The following RAVER1 variants were observed in gnomAD, a reference collection of about 807,000 sequenced individuals.
RAVER1 encodes the protein ribonucleoprotein, PTB binding 1.
A neutral mutation model predicts 68.4 loss-of-function variants in RAVER1; 36 were observed. The ratio of observed to expected loss-of-function variants is 0.53; its 90% confidence interval spans 0.40 to 0.70. RAVER1 has a LOEUF of 0.70. RAVER1 is among the 30% of genes least tolerant of loss of function. The pLI is 0.00. For synonymous variants in RAVER1, 469 were observed against 472.7 expected (o/e 0.99, Z 0.10); for missense variants, 933 against 1,019.8 (o/e 0.91, Z 1.16).
Position 10,323,503 on chromosome 19 carries a change from T to C in RAVER1, c.820A>G (p.Met274Val). The change falls in exon 4 of 13, where the codon ATG becomes GTG. Residue 274 changes from methionine to valine, a missense_variant. Coordinates refer to ENST00000617231, the MANE Select transcript of RAVER1 (RefSeq NM_133452.3). The surrounding 1 kb of genome is among the most constrained non-coding windows in gnomAD (Gnocchi z 6.2). ...GCCTGCTGCTGTGCCTCCTCCGCCA[T>C]CTCAGCCGTCTCATACTCCAGCACC... is the stretch of plus-strand genomic sequence containing the variant. ...FAVLEYETAE[M>V]AEEAQQQADG... is the part of the protein sequence containing the mutation. The C allele has an allele frequency of 1.9e-6, 3 of 1,609,058 alleles. No individual in the cohort carries two copies. The highest frequency in any genetic ancestry group is 1.7e-6 in the Non-Finnish European group (2 of 1,179,674).
intron 9 of RAVER1, 113 bp downstream of exon 9, chr19:10,320,542 C>A: frequency 1.2e-6 from 1 of 851,868 alleles, no homozygotes; most frequent in Non-Finnish European, 1.7e-6. Flanking sequence ...CCATATCTGG[C>A]ACGTTCCCTG....
chr19:10,317,722 G>A lies in RAVER1; in HGVS notation c.2041C>T (p.Pro681Ser), dbSNP rs753586539. The A allele has an allele frequency of 1.3e-6, 2 of 1,596,316 alleles. No individual in the cohort carries two copies. Among genetic ancestry groups the A allele is most frequent in the East Asian group, 2.3e-5 (1 of 44,304 alleles). ...AGGTGGCTGTGACCATTAGGCCCGGGGCTGAGGCCCAGGAGCCCTTCTCCG... is the reference window on the plus strand; with the variant it reads ...AGGTGGCTGTGACCATTAGGCCCGGAGCTGAGGCCCAGGAGCCCTTCTCCG... Reference protein sequence around the residue: ...GSGEGLLGLSPGPNGHSHLLK... With the variant: ...GSGEGLLGLSSGPNGHSHLLK... The change falls in exon 12 of 13, where the codon CCC becomes TCC. Residue 681 changes from proline to serine, a missense_variant. Pro to Ser is a moderately conservative substitution (Grantham distance 74). Around this residue, in one of 3 missense-constraint regions of RAVER1, gnomAD observed 699 missense variants for 731.1 expected, o/e 0.96. Transcript: ENST00000617231. The surrounding 1 kb of genome is among the most constrained non-coding windows in gnomAD (Gnocchi z 4.3).
At position 10,316,628 on chromosome 19, in the gene RAVER1, G is replaced by C. The variant is rs79485351; in HGVS notation, c.*826C>G. The C allele has an allele frequency of 1.7e-3, 1,648 of 951,158 alleles. 27 individuals carry two copies. In the African/African-American group the frequency reaches 0.027, roughly 16 times the overall value. The allele number at this position is 951,158 out of a possible 1,614,324, so 58.9% of individuals were successfully genotyped here. On this transcript the variant is annotated 3_prime_UTR_variant, in exon 13 of 13. Coordinates refer to ENST00000617231, the MANE Select transcript of RAVER1 (RefSeq NM_133452.3). ...TCTCTGCACGGAGGCCCGGGTAGGA[G>C]GGGGTGGTGGGGCCGGTTCGCCAAG...
chr19:10,317,849 G>GC lies in RAVER1; in HGVS notation c.1990-77dup, dbSNP rs2040404427. Reference sequence around the variant, plus strand: ...GCACCCACCCCGCCCCCCTGCCACTGCCCCCCAGCCCTGAGGGAAAGCGAA... The same window carrying GC: ...GCACCCACCCCGCCCCCCTGCCACTGCCCCCCCAGCCCTGAGGGAAAGCGAA... On this transcript the variant is annotated intron_variant, in intron 11 of 12. Coordinates refer to ENST00000617231, the MANE Select transcript of RAVER1 (RefSeq NM_133452.3). The surrounding 1 kb of genome is among the most constrained non-coding windows in gnomAD (Gnocchi z 4.3). 3.7e-6 allele frequency: 3 copies of GC among 814,432 alleles called. No homozygotes were observed. In the Admixed American group the frequency reaches 6.8e-5, roughly 18 times the overall value. The allele number at this position is 814,432 out of a possible 1,614,324, so 50.5% of individuals were successfully genotyped here.
At position 10,333,168 on chromosome 19, in the gene RAVER1, C is replaced by T; in HGVS notation, c.219+121G>A. The T allele has an allele frequency of 2.1e-6, 2 of 968,160 alleles. No homozygotes were observed. Among genetic ancestry groups the T allele is most frequent in the Non-Finnish European group, 3.0e-6 (2 of 664,566 alleles). 60.0% of individuals were successfully genotyped at this position (968,160 alleles called of 1,614,324 possible). A position where few individuals can be genotyped will look rare whatever the true frequency, so the allele number is the denominator to read the frequency against. ...GGTCTCTCCCGATCCCGCGTGGATC[C>T]GGTGCTTGGGCGCCCCCGCCAACGA... On this transcript the variant is annotated intron_variant, in intron 1 of 12. Coordinates refer to ENST00000617231, the MANE Select transcript of RAVER1 (RefSeq NM_133452.3). The surrounding 1 kb of genome is among the most constrained non-coding windows in gnomAD (Gnocchi z 4.2).
At chr19:10,332,554 G>A (rs2145087451) in intron 1 of RAVER1, among the ~76,000 whole-genome samples, 1 of 152,332 alleles carries the variant, frequency 6.6e-6, no homozygotes, top group East Asian at 1.9e-4. Context: ...AATCTCAGCA[G>A]CAGGAAGCGA....
chr19:10,326,045 C>G (rs1445441431), intron 3 of RAVER1, among the ~76,000 whole-genome samples: 2 of 152,094 alleles, frequency 1.3e-5, no homozygotes, highest in Non-Finnish European at 2.9e-5. Flanking sequence ...CACCTGAAGT[C>G]AGGAGTTCAA....
intron 8 of RAVER1, 34 bp from the exon 9 acceptor site, chr19:10,320,985 C>A: frequency 6.7e-7 from 1 of 1,483,928 alleles, no homozygotes; most frequent in Non-Finnish European, 8.9e-7. Context: ...AGAGGGCCCC[C>A]GGGAGAGGGA....
At position 10,318,235 on chromosome 19, in the gene RAVER1, G is replaced by A; in HGVS notation, c.1983C>T (p.Leu661=). 1 of 1,605,214 alleles carries A rather than the reference G, an allele frequency of 6.2e-7. No homozygotes were observed. The highest frequency in any genetic ancestry group is 8.5e-7 in the Non-Finnish European group (1 of 1,176,602). The part of the protein sequence containing the change: ...GLQAGLKQSH[L]SKAIGSSPLG... ...GGCCAGAGAGGTTCCTCACCTTACT[G>A]AGGTGGCTCTGCTTGAGGCCAGCCT... is the stretch of plus-strand genomic sequence containing the variant. The change falls in exon 11 of 13, where the codon CTC becomes CTT. Residue 661 remains leucine (L), a synonymous_variant. Transcript: ENST00000617231.
intron 10 of RAVER1, among the ~76,000 whole-genome samples, chr19:10,318,853 G>A (rs1318421443): frequency 6.6e-6 from 1 of 152,190 alleles, no homozygotes; most frequent in East Asian, 1.9e-4. Context: ...GAGTGCCGGG[G>A]ACCGCCCACT....
In RAVER1 at chr19:10,316,566, CACAG is replaced by C. The variant is rs543565379; in HGVS notation, c.*884_*887del. On this transcript the variant is annotated 3_prime_UTR_variant, in exon 13 of 13. Coordinates refer to ENST00000617231, the MANE Select transcript of RAVER1 (RefSeq NM_133452.3). ...GGAGATGGGCACAATGTCCGACTCC[CACAG>C]ACAGACAGCAGGGGACTGGCAGAGA... 237 of 987,132 alleles carry C rather than the reference CACAG, an allele frequency of 2.4e-4. 1 individual carries two copies. In the African/African-American group the frequency reaches 3.8e-3, roughly 16 times the overall value. The allele number at this position is 987,132 out of a possible 1,614,324, so 61.1% of individuals were successfully genotyped here.
chr19:10,321,346 A>G, intron 7 of RAVER1, 87 bp from the exon 8 acceptor site: 1 of 807,270 alleles, frequency 1.2e-6, no homozygotes, highest in Non-Finnish European at 1.7e-6. Context: ...ACCAGGGCCC[A>G]GGGGTCAAGA....
At chr19:10,324,634 C>T (rs2040462159) in intron 3 of RAVER1, among the ~76,000 whole-genome samples, 1 of 152,196 alleles carries the variant, frequency 6.6e-6, no homozygotes, top group Non-Finnish European at 1.5e-5. Flanking sequence ...CTGCCTTGGC[C>T]TCCCAAAGTG....
Position 10,321,551 on chromosome 19 carries a change from AG to A in RAVER1, c.1240del (p.Leu414SerfsTer93). 1 of 1,364,648 alleles carries A rather than the reference AG, an allele frequency of 7.3e-7. No homozygotes were observed. Among genetic ancestry groups the A allele is most frequent in the Non-Finnish European group, 9.5e-7 (1 of 1,051,328 alleles). The allele number at this position is 1,364,648 out of a possible 1,614,324, so 84.5% of individuals were successfully genotyped here. On this transcript the variant is annotated frameshift_variant, in exon 7 of 13. Coordinates refer to ENST00000617231, the MANE Select transcript of RAVER1 (RefSeq NM_133452.3). LOFTEE classifies it high-confidence loss of function. ...GTTACCTGCAGGCAGCTCCCCGAGG[AG>A]GGGGTTGGCTGGCTGGGCCCCAGGC... ...LQPGAQPANP[L>X]LGELPAGGGL...
At chr19:10,319,468 C>T (rs1384823187) in intron 9 of RAVER1, among the ~76,000 whole-genome samples, 1 of 152,266 alleles carries the variant, frequency 6.6e-6, no homozygotes, top group Admixed American at 6.5e-5. Flanking sequence ...GGAATTCGAG[C>T]TGTGTGGACT....
At chr19:10,321,327 C>G in intron 7 of RAVER1, 68 bp from the exon 8 acceptor site, 1 of 864,642 alleles carries the variant, frequency 1.2e-6, no homozygotes, top group Non-Finnish European at 1.6e-6. Flanking sequence ...CCCTCCAGCT[C>G]CCACCTGGAC....
Position 10,323,471 on chromosome 19 carries a change from G to T in RAVER1, c.852C>A (p.Gly284=). ...MAEEAQQQAD[G]LSLGGSHLRV... ...GCAGGTGGCTGCCCCCCAGGGACAGGCCGTCCGCCTGCTGCTGTGCCTCCT... is the reference window on the plus strand; with the variant it reads ...GCAGGTGGCTGCCCCCCAGGGACAGTCCGTCCGCCTGCTGCTGTGCCTCCT... Residue 284 remains glycine (G), a synonymous_variant, in exon 4 of 13, where the codon GGC becomes GGA. Coordinates refer to ENST00000617231, the MANE Select transcript of RAVER1 (RefSeq NM_133452.3). This position sits in a 1 kb window ranked among gnomAD's most constrained non-coding sequence, Gnocchi z 6.2. 6.2e-7 allele frequency: 1 copy of T among 1,609,698 alleles called. No individual in the cohort carries two copies. Among genetic ancestry groups the T allele is most frequent in the South Asian group, 1.1e-5 (1 of 91,016 alleles).
chr19:10,329,241 G>A lies in RAVER1; in HGVS notation c.287-130C>T. On this transcript the variant is annotated intron_variant, in intron 2 of 12. Transcript: ENST00000617231. This position sits in a 1 kb window ranked among gnomAD's most constrained non-coding sequence, Gnocchi z 4.6. ...CAGGTGCCTGCTGATCTGAGCAGTT[G>A]CCAGCCTTGGCGACTCACACAGGCG... The A allele has an allele frequency of 1.4e-5, 9 of 625,054 alleles. No homozygotes were observed. In the South Asian group the frequency reaches 2.0e-4, roughly 14 times the overall value. 38.7% of individuals were successfully genotyped at this position (625,054 alleles called of 1,614,324 possible). A position where few individuals can be genotyped will look rare whatever the true frequency, so the allele number is the denominator to read the frequency against.
Position 10,329,156 on chromosome 19 carries a change from G to T in RAVER1, c.287-45C>A, listed in dbSNP as rs2040496935. 1 of 1,249,418 alleles carries T rather than the reference G, an allele frequency of 8.0e-7. No individual in the cohort carries two copies. Among genetic ancestry groups the T allele is most frequent in the Non-Finnish European group, 1.1e-6 (1 of 918,230 alleles). The allele number at this position is 1,249,418 out of a possible 1,614,324, so 77.4% of individuals were successfully genotyped here. On this transcript the variant is annotated intron_variant, in intron 2 of 12. Transcript: ENST00000617231. This position sits in a 1 kb window ranked among gnomAD's most constrained non-coding sequence, Gnocchi z 4.6. Reference sequence around the variant, plus strand: ...GTGCGAGGTCAGCCGGGCCCTGAGGGCCTGCCCCTCCACCCCGCCACCCTG... The same window carrying T: ...GTGCGAGGTCAGCCGGGCCCTGAGGTCCTGCCCCTCCACCCCGCCACCCTG...
Sources: allele counts gnomAD v4.1 joint callset (sites outside exome capture counted in the v4.1 genomes callset), GRCh38; gene constraint gnomAD v4.1.1; regional missense constraint gnomAD v4.1.1; non-coding constraint Gnocchi (gnomAD v3.1); transcripts MANE v1.5; gene names NCBI Gene and HGNC (gene_info 2026-07-23, HGNC 2026-07-21).